The following CIT variants were observed in gnomAD, a reference collection of about 807,000 sequenced individuals.
The protein encoded by CIT is citron rho-interacting serine/threonine kinase, also known as citron Rho-interacting kinase.
Under a neutral mutation model 272.7 loss-of-function variants are expected in CIT, and 79 were observed. The ratio of observed to expected loss-of-function variants is 0.29; its 90% CI spans 0.24 to 0.35. CIT has a LOEUF of 0.35. Ranked by LOEUF, CIT falls within the 10% of genes least tolerant of loss-of-function variation. The pLI, the probability that CIT is intolerant of heterozygous loss-of-function variation, is 1.00. For synonymous variants in CIT, 948 were observed against 995.6 expected, an observed-to-expected ratio of 0.95 and a Z score of 0.90; for missense variants, 1,909 against 2,618.3, an observed-to-expected ratio of 0.73 and a Z score of 5.91.
chr12:119,866,937 G>A (rs1387888806), intron 3 of CIT, among the ~76,000 whole-genome samples: 3 of 152,218 alleles, frequency 2.0e-5, no homozygotes, highest in Non-Finnish European at 4.4e-5. Context: ...ATCACAGGCT[G>A]TAGTTCCTTG....
In CIT at chr12:119,850,351, T is replaced by G. The variant is rs980440793; in HGVS notation, c.415-76A>C. 5.2e-6 allele frequency: 4 copies of G among 765,336 alleles called. No homozygotes were observed. In the African/African-American group the frequency reaches 5.9e-5, roughly 11 times the overall value. The allele number at this position is 765,336 out of a possible 1,614,324, so 47.4% of individuals were successfully genotyped here. On this transcript the variant is annotated intron_variant, in intron 4 of 47. Coordinates refer to ENST00000392521, the MANE Select transcript of CIT (RefSeq NM_001206999.2). ...AAAGAAGCCTTTTCCTCTGTCTTTA[T>G]GCCTAAACTGATGTTTCTAGCTTTA...
At chr12:119,829,344 A>AGAAGAGAAGAGAAGAGAAG (rs1968424850) in intron 7 of CIT, among the ~76,000 whole-genome samples, 3 of 133,430 alleles carry the variant, frequency 2.2e-5, no homozygotes, top group African/African-American at 6.1e-5. Flanking sequence ...CTTGAAAGAA[A>AGAAGAGAAGAGAAGAGAAG]AGAAGAGAAG....
In CIT at chr12:119,776,407, G is replaced by A. The variant is rs1231046924; in HGVS notation, c.1838C>T (p.Ala613Val). ...ATECQHKLLK[A>V]KDQGKPEVGE... ...CACTTCAGGCTTCCCTTGATCCTTA[G>A]CCTGTAATTAAAAAGACACAACATA... The change falls in exon 15 of 48, where the codon GCT becomes GTT. Residue 613 changes from alanine (A) to valine (V), a missense_variant and splice_region_variant. This residue lies in a region of CIT where 530 missense variants were observed against 822.4 expected (regional missense o/e 0.64). Transcript: ENST00000392521. 6.2e-7 allele frequency: 1 copy of A among 1,612,962 alleles called. No individual in the cohort carries two copies. The highest frequency in any genetic ancestry group is 1.7e-5 in the Admixed American group (1 of 59,950).
At chr12:119,736,273 A>G (rs767269694) in intron 24 of CIT, among the ~76,000 whole-genome samples, 13 of 152,254 alleles carry the variant, frequency 8.5e-5, no homozygotes, top group Admixed American at 5.2e-4. Context: ...AATGCCGTTA[A>G]GCCTACAGTT....
chr12:119,726,385 AT>A (rs3999547), intron 28 of CIT, among the ~76,000 whole-genome samples: 1,308 of 101,194 alleles, frequency 0.013, 14 homozygotes, highest in African/African-American at 0.051. Flanking sequence ...CACTTGGCTA[AT>A]TTTTTTTTTT....
At position 119,712,141 on chromosome 12, in the gene CIT, T is replaced by TA. The variant is rs113303356; in HGVS notation, c.4854+36dup. The TA allele has an allele frequency of 0.03, 46,544 of 1,543,012 alleles. 3,640 individuals are homozygous for TA. Among genetic ancestry groups the TA allele is most frequent in the African/African-American group, 0.3 (21,685 of 72,362 alleles). On this transcript the variant is annotated intron_variant, in intron 37 of 47. Coordinates refer to ENST00000392521, the MANE Select transcript of CIT (RefSeq NM_001206999.2). The surrounding 1 kb of genome is among the most constrained non-coding windows in gnomAD (Gnocchi z 5.2). ...CACCAGTTACCAAGTCAGCCCCCTT[T>TA]ACAAAGACAACCTCCAGGGCCCGCT...
At position 119,782,971 on chromosome 12, in the gene CIT, G is replaced by A. The variant is rs1964440710; in HGVS notation, c.1546-334C>T. The A allele has an allele frequency of 2.8e-5, 5 of 181,042 alleles. No individual in the cohort carries two copies. In the South Asian group the frequency reaches 7.7e-4, roughly 28 times the overall value. 11.2% of individuals were successfully genotyped at this position (181,042 alleles called of 1,614,324 possible). ...CCAGTAGCTATTACAGCCACCATGT[G>A]GATAGCTACAAAGTGTTTTCTACAG... is the stretch of plus-strand genomic sequence containing the variant. On this transcript the variant is annotated intron_variant, in intron 12 of 47. Coordinates refer to ENST00000392521, the MANE Select transcript of CIT (RefSeq NM_001206999.2).
chr12:119,758,991 C>T (rs936445259), intron 20 of CIT, among the ~76,000 whole-genome samples: 2 of 152,192 alleles, frequency 1.3e-5, no homozygotes. Flanking sequence ...CCTTGTTAAA[C>T]CCCATCTCAT....
intron 5 of CIT, among the ~76,000 whole-genome samples, chr12:119,841,041 G>A (rs1043634633): frequency 6.6e-6 from 1 of 152,122 alleles, no homozygotes; most frequent in Admixed American, 6.6e-5. Flanking sequence ...CTCATCCCAA[G>A]CAGGGCATCA....
Position 119,830,395 on chromosome 12 carries a change from C to T in CIT, c.753+2376G>A, listed in dbSNP as rs1353284309. On this transcript the variant is annotated intron_variant, in intron 7 of 47. Coordinates refer to ENST00000392521, the MANE Select transcript of CIT (RefSeq NM_001206999.2). ...AGCACTAAAAAATTGAAACTGGGAA[C>T]CCTGTCTCTCCACCAAGAGCTCCGA... Among the ~76,000 whole-genome samples, 4 of 151,894 alleles carry T rather than the reference C, an allele frequency of 2.6e-5. 1 individual carries two copies. The highest frequency in any genetic ancestry group is 4.2e-4 in the South Asian group (2 of 4,778).
rs144549264 is a variant in CIT at position 119,801,054 on chromosome 12, A to G, written c.1295+2152T>C. 3.9e-5 allele frequency among the ~76,000 whole-genome samples: 6 copies of G among 152,310 alleles called. No homozygotes were observed. In the East Asian group the frequency reaches 9.7e-4, roughly 25 times the overall value. On this transcript the variant is annotated intron_variant, in intron 10 of 47. Coordinates refer to ENST00000392521, the MANE Select transcript of CIT (RefSeq NM_001206999.2). ...CGTTGCCAAGCTTTGAAAAAACGTTAAAGTTCCCCAATGATAGGAATACTC... is the reference window on the plus strand; with the variant it reads ...CGTTGCCAAGCTTTGAAAAAACGTTGAAGTTCCCCAATGATAGGAATACTC...
chr12:119,853,744 T>C (rs1385051054), intron 4 of CIT, among the ~76,000 whole-genome samples: 1 of 152,186 alleles, frequency 6.6e-6, no homozygotes, highest in Non-Finnish European at 1.5e-5. Context: ...CCTTCTTTTG[T>C]CTGGCACATA....
intron 47 of CIT, among the ~76,000 whole-genome samples, chr12:119,689,176 C>T (rs1955774220): frequency 2.1e-5 from 3 of 142,872 alleles, no homozygotes; most frequent in Admixed American, 1.4e-4. Context: ...AAGACCCTGT[C>T]TCTAAAACAA....
chr12:119,804,258 C>G lies in CIT; in HGVS notation c.1112-869G>C. On this transcript the variant is annotated intron_variant, in intron 9 of 47. Transcript: ENST00000392521. This position sits in a 1 kb window ranked among gnomAD's most constrained non-coding sequence, Gnocchi z 5.3. ...CTCGGTCTGGGAGGTGGACACTCGT[C>G]CATCAGTCACCAGGAGGCTGCCCAT... is the stretch of plus-strand genomic sequence containing the variant. 1.0e-6 allele frequency: 1 copy of G among 985,498 alleles called. No homozygotes were observed. The highest frequency in any genetic ancestry group is 1.1e-4 in the East Asian group (1 of 8,810). The allele number at this position is 985,498 out of a possible 1,614,324, so 61.0% of individuals were successfully genotyped here.
intron 9 of CIT, among the ~76,000 whole-genome samples, chr12:119,811,003 A>G (rs1192077378): frequency 6.6e-6 from 1 of 152,166 alleles, no homozygotes; most frequent in African/African-American, 2.4e-5. Context: ...GTGGTCAGGC[A>G]TGACTTGCCC....
chr12:119,690,237 G>C lies in CIT; in HGVS notation c.6100C>G (p.Arg2034Gly). Residue 2034 changes from arginine to glycine, a missense_variant, in exon 47 of 48, where the codon CGG (arginine) becomes GGG (glycine). Arg to Gly is a moderately radical substitution (Grantham distance 125). Around this residue, in one of 8 missense-constraint regions of CIT, gnomAD observed 780 missense variants for 1,067.2 expected, o/e 0.73. Transcript: ENST00000392521. This position sits in a 1 kb window ranked among gnomAD's most constrained non-coding sequence, Gnocchi z 6.0. ...PGRMLSTRRE[R>G]SPGRLFEDSS... ...TCTTCAAACAGCCTCCCGGGGGACC[G>C]CTCTCTCCGCGTGCTGAGCATCCGG... 1.9e-6 allele frequency: 3 copies of C among 1,547,538 alleles called. No homozygotes were observed. The highest frequency in any genetic ancestry group is 2.6e-6 in the Non-Finnish European group (3 of 1,158,212).
intron 3 of CIT, among the ~76,000 whole-genome samples, chr12:119,866,772 T>C (rs1171889948): frequency 2.0e-5 from 3 of 152,174 alleles, no homozygotes; most frequent in East Asian, 1.9e-4. Flanking sequence ...TGAGCTATGA[T>C]TGTGCTGCTG....
rs939351064 is a variant in CIT, at chr12:119,687,540, G to A, written c.*692C>T. The A allele has an allele frequency of 3.3e-5, 5 of 152,570 alleles. No homozygotes were observed. Among genetic ancestry groups the A allele is most frequent in the Admixed American group, 2.0e-4 (3 of 15,276 alleles). 9.5% of individuals were successfully genotyped at this position (152,570 alleles called of 1,614,324 possible). ...CCATACATTCTCAGCTGGTGGGAGG[G>A]GAAGTCGTCAAGGCCATAAAAGGCA... On this transcript the variant is annotated 3_prime_UTR_variant, in exon 48 of 48. Transcript: ENST00000392521.
At chr12:119,825,537 AT>A (rs931493964) in intron 7 of CIT, among the ~76,000 whole-genome samples, 169 bp from the exon 8 acceptor site, 1 of 97,442 alleles carries the variant, frequency 1.0e-5, no homozygotes, top group East Asian at 5.7e-4. Context: ...CGCTTTACTA[AT>A]TTAAAAAAAA....
Sources: gnomAD v4.1 joint callset for allele counts (sites outside exome capture counted in the v4.1 genomes callset) on GRCh38, gnomAD v4.1.1 for gene constraint, gnomAD v4.1.1 regional missense constraint, Gnocchi (gnomAD v3.1) non-coding constraint, MANE v1.5 for transcripts, NCBI Gene and HGNC (gene_info 2026-07-23, HGNC 2026-07-21) for gene names.